GPC6: variants seen among roughly 807,000 people sequenced by gnomAD.
GPC6 encodes the protein glypican-6.
A neutral mutation model predicts 55.2 loss-of-function variants in GPC6; 14 were observed. That is an observed-to-expected ratio of 0.25 (90% CI 0.17 to 0.40). The LOEUF (loss-of-function observed/expected upper bound fraction) is 0.40. Among genes scored for constraint, GPC6 ranks in the 10% least tolerant of loss-of-function variants. GPC6 has a pLI of 1.00. For missense variants in GPC6, 641 were observed against 708.5 expected (o/e 0.90, Z 1.08); for synonymous variants, 278 against 259.6 (o/e 1.07, Z -0.68).
At chr13:94,306,791 T>A (rs1446556331) in intron 6 of GPC6, among the ~76,000 whole-genome samples, 1 of 152,200 alleles carries the variant, frequency 6.6e-6, no homozygotes, top group Non-Finnish European at 1.5e-5. Context: ...TTAAAAAAGC[T>A]CATAATTTCA....
At chr13:94,065,152 T>C (rs994891915) in intron 4 of GPC6, among the ~76,000 whole-genome samples, 2 of 152,192 alleles carry the variant, frequency 1.3e-5, no homozygotes, top group African/African-American at 4.8e-5. Context: ...GCTTTGTAGA[T>C]GATACACTTG....
chr13:94,170,861 GAA>G (rs924089387), intron 4 of GPC6, among the ~76,000 whole-genome samples: 3 of 152,160 alleles, frequency 2.0e-5, no homozygotes, highest in Non-Finnish European at 4.4e-5. Context: ...GTGGAGAATT[GAA>G]AAGAGTGGGA....
chr13:93,388,500 C>T (rs899559316), intron 1 of GPC6, among the ~76,000 whole-genome samples: 1 of 152,178 alleles, frequency 6.6e-6, no homozygotes, highest in Non-Finnish European at 1.5e-5. Flanking sequence ...TCACCTTCAA[C>T]TAAGATTTCC....
At chr13:93,950,951 T>C (rs1415232289) in intron 3 of GPC6, among the ~76,000 whole-genome samples, 4 of 152,152 alleles carry the variant, frequency 2.6e-5, no homozygotes, top group African/African-American at 9.7e-5. Context: ...ACATTTCCCC[T>C]CTTTAGAAGA....
At chr13:93,249,876 T>C (rs1876723971) in intron 1 of GPC6, among the ~76,000 whole-genome samples, 1 of 152,228 alleles carries the variant, frequency 6.6e-6, no homozygotes, top group Non-Finnish European at 1.5e-5. Flanking sequence ...TTCCTCCACC[T>C]CTTGGTTTCT....
chr13:93,646,335 G>A (rs531663180), intron 2 of GPC6, among the ~76,000 whole-genome samples: 48 of 152,168 alleles, frequency 3.2e-4, no homozygotes, highest in African/African-American at 1.1e-3. Context: ...ATTATAAAGT[G>A]AAGACGTTTT....
intron 2 of GPC6, among the ~76,000 whole-genome samples, chr13:93,580,612 GTCTTT>G (rs1430743352): frequency 7.9e-5 from 12 of 152,094 alleles, no homozygotes; most frequent in Admixed American, 2.0e-4. Context: ...AAAAATAGGT[GTCTTT>G]ATGGGGCTTA....
chr13:93,750,860 G>A (rs1297915880), intron 2 of GPC6, among the ~76,000 whole-genome samples: 1 of 152,138 alleles, frequency 6.6e-6, no homozygotes, highest in Non-Finnish European at 1.5e-5. Context: ...ATTCCAAGGC[G>A]AGTCCAACAG....
At chr13:93,458,242 G>A (rs548703618) in intron 1 of GPC6, among the ~76,000 whole-genome samples, 2 of 152,242 alleles carry the variant, frequency 1.3e-5, no homozygotes, top group Non-Finnish European at 2.9e-5. Context: ...TTTCTATATG[G>A]TCTTTAGCTT....
At chr13:94,191,232 A>G (rs558168155) in intron 4 of GPC6, among the ~76,000 whole-genome samples, 38 of 152,326 alleles carry the variant, frequency 2.5e-4, no homozygotes, top group African/African-American at 7.5e-4. Context: ...TGAACATTTC[A>G]TAAGAAATGA....
At chr13:93,488,856 G>A in intron 1 of GPC6, among the ~76,000 whole-genome samples, 1 of 152,090 alleles carries the variant, frequency 6.6e-6, no homozygotes, top group East Asian at 1.9e-4. Flanking sequence ...ATTCTTTGTA[G>A]ATTCTGGATA....
chr13:94,249,553 A>C (rs930385267), intron 4 of GPC6, among the ~76,000 whole-genome samples: 3 of 152,186 alleles, frequency 2.0e-5, no homozygotes, highest in Admixed American at 6.6e-5. Context: ...TCATCTAACC[A>C]TCACAAAACC....
chr13:93,745,367 G>T (rs9556321), intron 2 of GPC6, among the ~76,000 whole-genome samples: 31,127 of 151,790 alleles, frequency 0.21, 5,104 homozygotes, highest in East Asian at 0.55. Flanking sequence ...CTGACCTAAA[G>T]AAACTTCATC....
At chr13:93,797,615 A>G (rs753479920) in intron 2 of GPC6, among the ~76,000 whole-genome samples, 1 of 152,140 alleles carries the variant, frequency 6.6e-6, no homozygotes, top group African/African-American at 2.4e-5. Flanking sequence ...TCCCATTATT[A>G]CTTACAGAGG....
upstream of GPC6, chr13:93,226,704 T>TC (rs1474611446): frequency 6.6e-6 from 1 of 152,208 alleles, no homozygotes; most frequent in African/African-American, 2.4e-5. Flanking sequence ...TTTCTTTTTT[T>TC]CCCCTTTCTA....
Position 93,917,582 on chromosome 13 carries a change from T to C in GPC6, c.711+87037T>C, listed in dbSNP as rs114226699. ...TGGGATGGGGAGCTCTGTTCATGCC[T>C]GAGGGCATTTGGAGCAAAGAGAACC... On this transcript the variant is annotated intron_variant, in intron 3 of 8. Coordinates refer to ENST00000377047, the MANE Select transcript of GPC6 (RefSeq NM_005708.5). Among the ~76,000 whole-genome samples, 774 of 152,188 alleles carry C rather than the reference T, an allele frequency of 5.1e-3. 7 individuals carry two copies. The highest frequency in any genetic ancestry group is 0.018 in the African/African-American group (739 of 41,580).
intron 3 of GPC6, among the ~76,000 whole-genome samples, chr13:93,940,136 C>T (rs1878658923): frequency 6.6e-6 from 1 of 152,140 alleles, no homozygotes; most frequent in Admixed American, 6.5e-5. Flanking sequence ...TATTTGTACA[C>T]TTTTCTTACA....
At chr13:93,435,375 C>T (rs546899138) in intron 1 of GPC6, among the ~76,000 whole-genome samples, 2 of 152,186 alleles carry the variant, frequency 1.3e-5, no homozygotes, top group South Asian at 4.2e-4. Context: ...CTTAGCCTCC[C>T]AAGGCACTGG....
chr13:94,370,313 T>C (rs573171822), intron 6 of GPC6, among the ~76,000 whole-genome samples: 1 of 152,350 alleles, frequency 6.6e-6, no homozygotes, highest in South Asian at 2.1e-4. Flanking sequence ...ATGGTGGTGT[T>C]CCCAGGGAGG....
Sources: gnomAD v4.1 joint callset for allele counts (sites outside exome capture counted in the v4.1 genomes callset) on GRCh38, gnomAD v4.1.1 for gene constraint, MANE v1.5 for transcripts, NCBI Gene and HGNC (gene_info 2026-07-23, HGNC 2026-07-21) for gene names.